Variants in LPIN1 observed in about 807,000 individuals in gnomAD.
The protein encoded by LPIN1 is phosphatidate phosphatase LPIN1.
A neutral mutation model predicts 107.5 loss-of-function variants in LPIN1; 71 were observed. The ratio of observed to expected loss-of-function variants is 0.66; its 90% CI spans 0.55 to 0.80. LPIN1 has a LOEUF of 0.80. Ranked by LOEUF, LPIN1 falls within the 30% of genes least tolerant of loss-of-function variation. LPIN1 has a pLI of 0.00. For synonymous variants in LPIN1, 445 were observed against 452.6 expected, an observed-to-expected ratio of 0.98 and a Z score of 0.21; for missense variants, 1,043 against 1,160.6, an observed-to-expected ratio of 0.90 and a Z score of 1.47.
intron 13 of LPIN1, among the ~76,000 whole-genome samples, chr2:11,795,171 T>C (rs1323988941): frequency 6.6e-6 from 1 of 152,126 alleles, no homozygotes; most frequent in Non-Finnish European, 1.5e-5. Context: ...GGATAACAGA[T>C]TCGTTTCTGT....
At chr2:11,807,116 T>G (rs1289322696) in intron 17 of LPIN1, among the ~76,000 whole-genome samples, 3 of 152,152 alleles carry the variant, frequency 2.0e-5, no homozygotes, top group Non-Finnish European at 4.4e-5. Context: ...TATAAATAAA[T>G]AAAGAAGGCA....
chr2:11,739,826 T>C (rs1666154576), intron 1 of LPIN1, among the ~76,000 whole-genome samples: 1 of 152,168 alleles, frequency 6.6e-6, no homozygotes, highest in African/African-American at 2.4e-5. Context: ...TAGAATTAGA[T>C]GAGGGTGTTA....
At chr2:11,778,643 C>A (rs539023086) in intron 6 of LPIN1, among the ~76,000 whole-genome samples, 1 of 152,286 alleles carries the variant, frequency 6.6e-6, no homozygotes, top group Non-Finnish European at 1.5e-5. Flanking sequence ...AAAACCCTGC[C>A]GCCTTCCTCT....
At chr2:11,804,127 T>C (rs1558271462) in intron 15 of LPIN1, among the ~76,000 whole-genome samples, 1 of 152,188 alleles carries the variant, frequency 6.6e-6, no homozygotes. Flanking sequence ...GGCTAATGAC[T>C]GTAATCTGAA....
chr2:11,783,783 A>T (rs759383693), intron 8 of LPIN1, 46 bp from the exon 9 acceptor site: 1 of 1,499,648 alleles, frequency 6.7e-7, no homozygotes, highest in Non-Finnish European at 9.3e-7. Flanking sequence ...CCATGAGCTC[A>T]TTTCTAGAAG....
At chr2:11,721,979 G>A (rs906098794), upstream of LPIN1, 1 of 152,242 alleles carries the variant, frequency 6.6e-6, no homozygotes, top group Non-Finnish European at 1.5e-5. Flanking sequence ...GAGACAGGAA[G>A]CTTAACACAG....
chr2:11,728,286 C>T (rs138205856), intron 1 of LPIN1, among the ~76,000 whole-genome samples: 19 of 152,230 alleles, frequency 1.2e-4, no homozygotes, highest in African/African-American at 1.7e-4. Context: ...AGCTGGGTCT[C>T]GCTTTTTTAT....
intron 18 of LPIN1, among the ~76,000 whole-genome samples, chr2:11,815,860 C>T (rs1680492444): frequency 6.6e-6 from 1 of 152,076 alleles, no homozygotes; most frequent in Non-Finnish European, 1.5e-5. Flanking sequence ...GTAGCTAAGC[C>T]AGACTAACTC....
At chr2:11,792,611 G>A (rs1675965537) in intron 13 of LPIN1, among the ~76,000 whole-genome samples, 1 of 152,098 alleles carries the variant, frequency 6.6e-6, no homozygotes, top group African/African-American at 2.4e-5. Context: ...TCAAACTCCT[G>A]GGCTCAAGCG....
chr2:11,742,359 G>T (rs939536190), upstream of LPIN1, among the ~76,000 whole-genome samples: 3 of 152,148 alleles, frequency 2.0e-5, no homozygotes, highest in Non-Finnish European at 2.9e-5. Flanking sequence ...AGGAAGGGGG[G>T]ACTCTTAAGG....
chr2:11,770,384 G>C (rs984216022), intron 3 of LPIN1, among the ~76,000 whole-genome samples: 3 of 152,154 alleles, frequency 2.0e-5, no homozygotes, highest in Admixed American at 6.5e-5. Flanking sequence ...GCTTGGTACT[G>C]CATGTGCCTG....
intron 17 of LPIN1, among the ~76,000 whole-genome samples, chr2:11,807,557 G>C (rs796271443): frequency 3.0e-4 from 45 of 148,894 alleles, no homozygotes; most frequent in African/African-American, 1.0e-3. Flanking sequence ...GGTTTTCTCA[G>C]AAGAGAGATC....
chr2:11,805,296 CA>C (rs1678484102), intron 17 of LPIN1, 140 bp downstream of exon 17: 2 of 726,284 alleles, frequency 2.8e-6, no homozygotes, highest in Admixed American at 4.0e-5. Flanking sequence ...CAGTGGGGGT[CA>C]GGGGTAGCAG....
At chr2:11,764,190 T>C (rs1670410340) in intron 1 of LPIN1, 1 of 151,414 alleles carries the variant, frequency 6.6e-6, no homozygotes, top group Admixed American at 6.6e-5. Flanking sequence ...TTGCGCTCCG[T>C]GGCTGGAGTG....
chr2:11,687,912 C>A (rs1351760002), intron 1 of LPIN1, among the ~76,000 whole-genome samples: 2 of 152,244 alleles, frequency 1.3e-5, no homozygotes, highest in African/African-American at 2.4e-5. Context: ...GAGAGGACAC[C>A]GGGGGCTGAA....
At chr2:11,722,960 C>T (rs1237512649), upstream of LPIN1, among the ~76,000 whole-genome samples, 2 of 152,202 alleles carry the variant, frequency 1.3e-5, no homozygotes, top group East Asian at 1.9e-4. Flanking sequence ...GCAAATCCCA[C>T]GCTGTTACTA....
chr2:11,785,893 C>T (rs1416172567), intron 10 of LPIN1, among the ~76,000 whole-genome samples: 3 of 152,178 alleles, frequency 2.0e-5, no homozygotes, highest in Admixed American at 6.5e-5. Flanking sequence ...CCCTTGAGAG[C>T]GGAAACAAGA....
chr2:11,821,931 A>C (rs1255111008), intron 20 of LPIN1, among the ~76,000 whole-genome samples: 1 of 152,202 alleles, frequency 6.6e-6, no homozygotes, highest in Non-Finnish European at 1.5e-5. Context: ...AAACAGCAGG[A>C]ACTTGATTCC....
chr2:11,744,270 G>A (rs765882710), upstream of LPIN1, among the ~76,000 whole-genome samples: 8 of 152,218 alleles, frequency 5.3e-5, no homozygotes, highest in Non-Finnish European at 8.8e-5. Context: ...CTGAGTCACT[G>A]CTCAGTCAGG....
Sources: allele counts gnomAD v4.1 joint callset (sites outside exome capture counted in the v4.1 genomes callset), GRCh38; gene constraint gnomAD v4.1.1; transcripts MANE v1.5; gene names NCBI Gene and HGNC (gene_info 2026-07-23, HGNC 2026-07-21).